Variants in SLC1A3 observed in about 807,000 individuals in gnomAD.
The protein encoded by SLC1A3 is excitatory amino acid transporter 1.
In SLC1A3, 21 loss-of-function variants were observed where a neutral mutation model predicts 48.1. The observed-to-expected ratio is 0.44, with a 90% CI of 0.31 to 0.63. The LOEUF (loss-of-function observed/expected upper bound fraction) is 0.63, where lower values mean the gene tolerates loss of function less well. Among genes scored for constraint, SLC1A3 ranks in the 20% least tolerant of loss-of-function variants. The probability of loss-of-function intolerance (pLI) is 0.08; values close to 1 mark genes in which losing one functional copy is unlikely to be tolerated. For missense variants in SLC1A3, 546 were observed against 689.0 expected (o/e 0.79, Z 2.32); for synonymous variants, 239 against 251.4 (o/e 0.95, Z 0.47).
chr5:36,645,265 A>G (rs3822469), intron 3 of SLC1A3, among the ~76,000 whole-genome samples: 23,159 of 149,942 alleles, frequency 0.15, 2,178 homozygotes, highest in Non-Finnish European at 0.21. Context: ...CCTTTTGAAA[A>G]CACTAATCGG....
intron 4 of SLC1A3, among the ~76,000 whole-genome samples, chr5:36,673,048 T>C (rs901594843): frequency 2.0e-5 from 3 of 152,186 alleles, no homozygotes; most frequent in Non-Finnish European, 4.4e-5. Flanking sequence ...GTATCCTGCC[T>C]ACAACCAATC....
At chr5:36,657,131 T>G (rs1190463766) in intron 3 of SLC1A3, among the ~76,000 whole-genome samples, 2 of 152,220 alleles carry the variant, frequency 1.3e-5, no homozygotes, top group African/African-American at 4.8e-5. Context: ...GGAAGGATAT[T>G]TATTAGCTTA....
intron 1 of SLC1A3, among the ~76,000 whole-genome samples, chr5:36,600,515 A>G (rs138416776): frequency 4.6e-5 from 7 of 152,300 alleles, no homozygotes; most frequent in African/African-American, 1.7e-4. Flanking sequence ...TCAGCAAACA[A>G]CTGAGGCCTG....
chr5:36,600,045 C>T (rs1054121263), intron 1 of SLC1A3, among the ~76,000 whole-genome samples: 1 of 152,102 alleles, frequency 6.6e-6, no homozygotes, highest in Non-Finnish European at 1.5e-5. Flanking sequence ...TCGTTTTTCC[C>T]CCAGAGGTTA....
intron 3 of SLC1A3, among the ~76,000 whole-genome samples, chr5:36,652,144 C>T (rs1453022055): frequency 6.6e-6 from 1 of 152,212 alleles, no homozygotes; most frequent in Non-Finnish European, 1.5e-5. Context: ...CCTACTAAAG[C>T]CATGGCATGC....
chr5:36,612,420 A>T (rs1739239648), intron 2 of SLC1A3, among the ~76,000 whole-genome samples: 1 of 152,010 alleles, frequency 6.6e-6, no homozygotes, highest in African/African-American at 2.4e-5. Flanking sequence ...TCTCTCCAAA[A>T]ACATTTTTTA....
intron 4 of SLC1A3, among the ~76,000 whole-genome samples, chr5:36,671,693 T>A (rs188631623): frequency 6.6e-4 from 100 of 152,302 alleles, no homozygotes; most frequent in African/African-American, 2.4e-3. Flanking sequence ...ACTTTAGAGA[T>A]CATCTTGTCA....
At chr5:36,642,529 A>G (rs2111813106) in intron 3 of SLC1A3, among the ~76,000 whole-genome samples, 1 of 152,260 alleles carries the variant, frequency 6.6e-6, no homozygotes, top group South Asian at 2.1e-4. Context: ...TCTTATTTCA[A>G]GTTTGCCTTA....
intron 3 of SLC1A3, among the ~76,000 whole-genome samples, chr5:36,632,539 T>A (rs906027058): frequency 1.3e-5 from 2 of 152,216 alleles, no homozygotes; most frequent in African/African-American, 2.4e-5. Context: ...GTAGCCATTC[T>A]GGTCTTTTCT....
intron 2 of SLC1A3, among the ~76,000 whole-genome samples, chr5:36,614,500 C>T (rs1430265789): frequency 6.6e-6 from 1 of 152,150 alleles, no homozygotes; most frequent in Non-Finnish European, 1.5e-5. Flanking sequence ...GTGATACCAT[C>T]ATTATCTGTC....
chr5:36,638,027 G>A (rs2111794283), intron 3 of SLC1A3, among the ~76,000 whole-genome samples: 1 of 152,280 alleles, frequency 6.6e-6, no homozygotes, highest in South Asian at 2.1e-4. Context: ...TGGCGCCACA[G>A]TCCCCCACTG....
At chr5:36,643,660 T>C (rs1402682211) in intron 3 of SLC1A3, among the ~76,000 whole-genome samples, 1 of 152,120 alleles carries the variant, frequency 6.6e-6, no homozygotes, top group Middle Eastern at 3.2e-3. Flanking sequence ...TTACTGTAGT[T>C]AACACCTGCT....
intron 3 of SLC1A3, among the ~76,000 whole-genome samples, chr5:36,649,100 TTGGGAGGCCAAGG>T (rs1275061203): frequency 2.0e-5 from 3 of 152,080 alleles, no homozygotes; most frequent in Non-Finnish European, 4.4e-5. Context: ...TCCCAGTACT[TTGGGAGGCCAAGG>T]TGGGTGGATC....
intron 1 of SLC1A3, among the ~76,000 whole-genome samples, chr5:36,600,531 C>A (rs7730144): frequency 6.6e-6 from 1 of 151,928 alleles, no homozygotes; most frequent in Non-Finnish European, 1.5e-5. Context: ...GCCTGGGGTA[C>A]GAGTCAACTA....
At chr5:36,628,066 C>T (rs1185972858) in intron 2 of SLC1A3, among the ~76,000 whole-genome samples, 3 of 152,288 alleles carry the variant, frequency 2.0e-5, no homozygotes, top group Admixed American at 6.5e-5. Flanking sequence ...CAGGATTTTG[C>T]CCCACCTTTC....
chr5:36,647,739 G>T (rs886930397), intron 3 of SLC1A3, among the ~76,000 whole-genome samples: 1 of 152,092 alleles, frequency 6.6e-6, no homozygotes, highest in Non-Finnish European at 1.5e-5. Flanking sequence ...TGACTGAAGG[G>T]CCATTTCCTT....
intron 2 of SLC1A3, among the ~76,000 whole-genome samples, chr5:36,619,050 G>A (rs1739560428): frequency 6.6e-6 from 1 of 152,118 alleles, no homozygotes; most frequent in Non-Finnish European, 1.5e-5. Context: ...CACTCTACTT[G>A]GTCATCAGTC....
chr5:36,654,538 T>A (rs2111860992), intron 3 of SLC1A3, among the ~76,000 whole-genome samples: 1 of 152,300 alleles, frequency 6.6e-6, no homozygotes, highest in South Asian at 2.1e-4. Flanking sequence ...ACAGACTCCA[T>A]AAGACTGTGG....
chr5:36,611,007 C>A (rs930162443), intron 2 of SLC1A3, among the ~76,000 whole-genome samples: 2 of 152,122 alleles, frequency 1.3e-5, no homozygotes, highest in African/African-American at 4.8e-5. Context: ...AGGAAGAACC[C>A]TTCAGTTATC....
Sources: allele counts gnomAD v4.1 joint callset (sites outside exome capture counted in the v4.1 genomes callset), GRCh38; gene constraint gnomAD v4.1.1; transcripts MANE v1.5; gene names NCBI Gene and HGNC (gene_info 2026-07-23, HGNC 2026-07-21).